ANKRD55: variants seen among roughly 807,000 people sequenced by gnomAD.
ANKRD55 encodes ankyrin repeat domain 55, also known as ankyrin repeat domain-containing protein 55.
In ANKRD55, 41 loss-of-function variants were observed where a neutral mutation model predicts 60.6. The observed-to-expected ratio is 0.68, with a 90% CI of 0.53 to 0.88. The LOEUF (loss-of-function observed/expected upper bound fraction) is 0.88, where lower values mean the gene tolerates loss of function less well. Among genes scored for constraint, ANKRD55 ranks in the 40% least tolerant of loss-of-function variants. The pLI is 0.00. For synonymous variants in ANKRD55, 264 were observed against 290.3 expected (o/e 0.91, Z 0.92); for missense variants, 732 against 767.6 (o/e 0.95, Z 0.55).
chr5:56,228,123 T>C (rs1290628386), intron 2 of ANKRD55, among the ~76,000 whole-genome samples: 1 of 152,148 alleles, frequency 6.6e-6, no homozygotes, highest in Non-Finnish European at 1.5e-5. Flanking sequence ...CTGGAACCTG[T>C]GGCTATTCCC....
At chr5:56,179,854 T>C (rs1035415599) in intron 3 of ANKRD55, among the ~76,000 whole-genome samples, 1 of 152,214 alleles carries the variant, frequency 6.6e-6, no homozygotes, top group Non-Finnish European at 1.5e-5. Context: ...TAATAGCTTG[T>C]ATTTATTGAG....
chr5:56,116,920 G>T, intron 8 of ANKRD55, 138 bp from the exon 9 acceptor site: 1 of 900,554 alleles, frequency 1.1e-6, no homozygotes, highest in Non-Finnish European at 1.6e-6. Flanking sequence ...GAAATAGTAA[G>T]TGTTAAATGA....
chr5:56,145,282 T>C (rs936143022), intron 6 of ANKRD55, among the ~76,000 whole-genome samples: 2 of 152,186 alleles, frequency 1.3e-5, no homozygotes, highest in African/African-American at 4.8e-5. Flanking sequence ...TCCTTGCAGA[T>C]AGGTGCAGCC....
intron 2 of ANKRD55, among the ~76,000 whole-genome samples, chr5:56,199,715 C>T (rs1241246291): frequency 6.6e-6 from 1 of 151,120 alleles, no homozygotes; most frequent in Non-Finnish European, 1.5e-5. Flanking sequence ...ACGGTGAAAC[C>T]CTGTCTCTAC....
At chr5:56,149,311 C>T (rs1033530728) in intron 6 of ANKRD55, among the ~76,000 whole-genome samples, 5 of 152,014 alleles carry the variant, frequency 3.3e-5, no homozygotes, top group Admixed American at 6.6e-5. Flanking sequence ...CTGCTAATAA[C>T]GACACTCTTT....
chr5:56,217,770 C>A (rs970693523), intron 2 of ANKRD55, among the ~76,000 whole-genome samples: 1 of 151,978 alleles, frequency 6.6e-6, no homozygotes, highest in Non-Finnish European at 1.5e-5. Flanking sequence ...GTGGGGGGCA[C>A]CTGTAGTCCC....
chr5:56,170,637 T>G, intron 5 of ANKRD55, 57 bp downstream of exon 5: 1 of 1,382,056 alleles, frequency 7.2e-7, no homozygotes, highest in Non-Finnish European at 1.0e-6. Flanking sequence ...TTAGATGACC[T>G]TCTCATACAA....
intron 11 of ANKRD55, 152 bp from the exon 12 acceptor site, chr5:56,100,456 A>G: frequency 2.3e-6 from 2 of 859,570 alleles, no homozygotes; most frequent in South Asian, 3.4e-5. Flanking sequence ...GTGTATGTAT[A>G]TCTTGTATAT....
chr5:56,227,617 C>CTTT (rs10567262), intron 2 of ANKRD55, among the ~76,000 whole-genome samples: 2 of 147,914 alleles, frequency 1.4e-5, no homozygotes, highest in Non-Finnish European at 3.0e-5. Flanking sequence ...CCATTGATGT[C>CTTT]TTTTTTTTTT....
rs1554038504 is a variant in ANKRD55 at position 56,135,290 on chromosome 5, G to GCCTGCCTGCTTT, written c.613-8185_613-8184insAAAGCAGGCAGG. On this transcript the variant is annotated intron_variant, in intron 7 of 11. Coordinates refer to ENST00000341048, the MANE Select transcript of ANKRD55 (RefSeq NM_024669.3). ...TCCCTCCCTCCCTCCCTGCCTGCCT[G>GCCTGCCTGCTTT]CTTGCTTTCTTTCTTTCTTTCTTTC... 3.5e-4 allele frequency among the ~76,000 whole-genome samples: 24 copies of GCCTGCCTGCTTT among 69,326 alleles called. No individual in the cohort carries two copies. The East Asian group carries it at 7.4e-3, about 21-fold the overall frequency. The allele number at this position is 69,326 out of a possible 152,430, so 45.5% of individuals were successfully genotyped here.
At chr5:56,103,870 A>G (rs1163656174) in intron 10 of ANKRD55, among the ~76,000 whole-genome samples, 1 of 152,208 alleles carries the variant, frequency 6.6e-6, no homozygotes, top group African/African-American at 2.4e-5. Context: ...AGCCAAGAAC[A>G]ACTTGCATCT....
chr5:56,183,232 CA>C (rs1251114202), intron 3 of ANKRD55, among the ~76,000 whole-genome samples: 1 of 152,222 alleles, frequency 6.6e-6, no homozygotes, highest in East Asian at 1.9e-4. Flanking sequence ...TTGCCTTTTA[CA>C]GTTACATTTT....
At chr5:56,156,776 G>A (rs1758204047) in intron 6 of ANKRD55, among the ~76,000 whole-genome samples, 1 of 152,168 alleles carries the variant, frequency 6.6e-6, no homozygotes, top group Non-Finnish European at 1.5e-5. Context: ...TAAAGCAGAA[G>A]TTTCTAACAG....
Position 56,111,599 on chromosome 5 carries a change from G to C in ANKRD55, c.1149C>G (p.Thr383=), listed in dbSNP as rs749757820. Residue 383 remains threonine (T), a synonymous_variant, in exon 10 of 12, where the codon ACC becomes ACG. Transcript: ENST00000341048. ...TGGTACCCACGATGCTATCAAAGGT[G>C]GTGATGATGTCATTGACTTCTGAGG... The part of the protein sequence containing the change: ...EDTSEVNDII[T]TFDSIVGTNC... 6.3e-7 allele frequency: 1 copy of C among 1,596,506 alleles called. No homozygotes were observed. The highest frequency in any genetic ancestry group is 1.7e-5 in the Admixed American group (1 of 57,180).
intron 7 of ANKRD55, among the ~76,000 whole-genome samples, chr5:56,131,745 G>T (rs1301535015): frequency 7.7e-6 from 1 of 129,788 alleles, no homozygotes; most frequent in African/African-American, 2.9e-5. Context: ...GCAGTGAGCC[G>T]AGATCGCGCC....
chr5:56,132,460 G>A (rs1315869141), intron 7 of ANKRD55, among the ~76,000 whole-genome samples: 2 of 145,380 alleles, frequency 1.4e-5, no homozygotes, highest in Admixed American at 1.3e-4. Context: ...GTGTGGTGGC[G>A]GGCGCCTGTA....
intron 8 of ANKRD55, among the ~76,000 whole-genome samples, chr5:56,120,886 G>A (rs1757027361): frequency 6.8e-6 from 1 of 146,540 alleles, no homozygotes; most frequent in African/African-American, 2.5e-5. Context: ...GGCGACAGAG[G>A]GAGACTCCGT....
Position 56,150,257 on chromosome 5 carries a change from A to G in ANKRD55, c.484-6328T>C, listed in dbSNP as rs12522554. Among the ~76,000 whole-genome samples, 152 of 152,360 alleles carry G rather than the reference A, an allele frequency of 1.0e-3. 4 individuals carry two copies. Among genetic ancestry groups the G allele is most frequent in the Admixed American group, 9.6e-3 (147 of 15,308 alleles). ...TGCCACCTCTATAAATTATAGGTAC[A>G]GTGCTATTACATTAGTGATTGCAGA... On this transcript the variant is annotated intron_variant, in intron 6 of 11. Coordinates refer to ENST00000341048, the MANE Select transcript of ANKRD55 (RefSeq NM_024669.3).
intron 6 of ANKRD55, among the ~76,000 whole-genome samples, chr5:56,149,887 G>T (rs564408534): frequency 6.6e-6 from 1 of 150,926 alleles, no homozygotes; most frequent in South Asian, 2.1e-4. Flanking sequence ...TGTCACCCAG[G>T]CTGGAGTGCA....
Sources: allele counts gnomAD v4.1 joint callset (sites outside exome capture counted in the v4.1 genomes callset), GRCh38; gene constraint gnomAD v4.1.1; transcripts MANE v1.5; gene names NCBI Gene and HGNC (gene_info 2026-07-23, HGNC 2026-07-21).